ZFYVE28: variants seen among roughly 807,000 people sequenced by gnomAD.
The protein encoded by ZFYVE28 is lateral signaling target protein 2 homolog.
ZFYVE28 carries 40 observed loss-of-function variants against 82.1 expected under a neutral mutation model. The observed-to-expected ratio is 0.49, with a 90% confidence interval of 0.38 to 0.63. The LOEUF is 0.63. Among genes scored for constraint, ZFYVE28 ranks in the 30% least tolerant of loss-of-function variants. The pLI is 0.00. For synonymous variants in ZFYVE28, 612 were observed against 546.1 expected (o/e 1.12, Z -1.68); for missense variants, 1,321 against 1,242.1 (o/e 1.06, Z -0.96).
Position 2,320,598 on chromosome 4 carries a change from A to C in ZFYVE28, c.702-327T>G, listed in dbSNP as rs1718936182. 6.6e-6 allele frequency among the ~76,000 whole-genome samples: 1 copy of C among 152,244 alleles called. No homozygotes were observed. Among genetic ancestry groups the C allele is most frequent in the Admixed American group, 6.5e-5 (1 of 15,288 alleles). ...AAATTAGCCTCAAGGTTTGTTACCA[A>C]AATCTACCTTCTTGCAAGTAATAAA... On this transcript the variant is annotated intron_variant, in intron 6 of 12. Coordinates refer to ENST00000290974, the MANE Select transcript of ZFYVE28 (RefSeq NM_020972.3). This position sits in a 1 kb window ranked among gnomAD's most constrained non-coding sequence, Gnocchi z 5.1.
intron 1 of ZFYVE28, among the ~76,000 whole-genome samples, chr4:2,380,057 G>C (rs1239796357): frequency 1.3e-5 from 2 of 152,194 alleles, no homozygotes; most frequent in African/African-American, 4.8e-5. Context: ...TCTCTGCACT[G>C]AGTCGACAAT....
At chr4:2,308,201 C>T (rs61789418) in intron 7 of ZFYVE28, among the ~76,000 whole-genome samples, 10,336 of 151,964 alleles carry the variant, frequency 0.068, 440 homozygotes, top group Middle Eastern at 0.21. Context: ...CTCACCGTAG[C>T]CTCGACCTCC....
rs144351599 is a variant in ZFYVE28 at position 2,337,958 on chromosome 4, C to A, written c.522-462G>T. On this transcript the variant is annotated intron_variant, in intron 4 of 12. Coordinates refer to ENST00000290974, the MANE Select transcript of ZFYVE28 (RefSeq NM_020972.3). ...CCTGCCAGCCAGGCCTACCCCAGGC[C>A]TTCCCTTGAAACCCCAGCCCTGCCC... Among the ~76,000 whole-genome samples the A allele has an allele frequency of 9.1e-4, 138 of 152,226 alleles. 2 individuals are homozygous for A. The highest frequency in any genetic ancestry group is 2.0e-4 in the Admixed American group (3 of 15,288).
At chr4:2,379,472 G>A (rs1339111300) in intron 1 of ZFYVE28, among the ~76,000 whole-genome samples, 1 of 152,308 alleles carries the variant, frequency 6.6e-6, no homozygotes, top group East Asian at 1.9e-4. Context: ...AGAATGTAGA[G>A]GCTCAGATTG....
chr4:2,293,240 A>G (rs1237123465), intron 8 of ZFYVE28, among the ~76,000 whole-genome samples: 1 of 152,230 alleles, frequency 6.6e-6, no homozygotes, highest in Non-Finnish European at 1.5e-5. Flanking sequence ...ATAAGGCAGA[A>G]TCATCCTGTT....
At chr4:2,311,097 C>T (rs920916330) in intron 7 of ZFYVE28, among the ~76,000 whole-genome samples, 2 of 152,170 alleles carry the variant, frequency 1.3e-5, no homozygotes, top group African/African-American at 2.4e-5. Context: ...ATAATATCCT[C>T]ATATCATTTT....
rs1314151042 is a variant in ZFYVE28, at chr4:2,335,781, C to T, written c.625G>A (p.Gly209Arg). The T allele has an allele frequency of 9.0e-6, 14 of 1,563,328 alleles. No individual in the cohort carries two copies. Among genetic ancestry groups the T allele is most frequent in the South Asian group, 2.4e-5 (2 of 84,822 alleles). The change falls in exon 6 of 13, where the codon GGG becomes AGG. Residue 209 changes from glycine to arginine, a missense_variant. This residue lies in a region of ZFYVE28 where 343 missense variants were observed against 408.4 expected (regional missense o/e 0.84). Transcript: ENST00000290974. The surrounding 1 kb of genome is among the most constrained non-coding windows in gnomAD (Gnocchi z 5.8). ...CETVERALDF[G>R]YLTQDMIDDY... ...TCAATCATGTCCTGAGTCAGGTACC[C>T]GAAGTCCAGGGCCCTGTCCGGGGAG...
intron 2 of ZFYVE28, among the ~76,000 whole-genome samples, chr4:2,353,600 C>A (rs930588853): frequency 6.6e-6 from 1 of 152,118 alleles, no homozygotes; most frequent in Non-Finnish European, 1.5e-5. Flanking sequence ...CTGCATGGTA[C>A]CCAAGCTCTG....
chr4:2,311,505 G>A (rs888088735), intron 7 of ZFYVE28, among the ~76,000 whole-genome samples: 1 of 152,116 alleles, frequency 6.6e-6, no homozygotes, highest in Admixed American at 6.5e-5. Context: ...CAGCCTGGGT[G>A]ACAGAGCTAG....
At chr4:2,311,833 G>C (rs540393102) in intron 7 of ZFYVE28, among the ~76,000 whole-genome samples, 3 of 152,240 alleles carry the variant, frequency 2.0e-5, no homozygotes, top group Non-Finnish European at 2.9e-5. Flanking sequence ...CTGGAATACA[G>C]TGACAGGATC....
intron 8 of ZFYVE28, chr4:2,286,605 G>A (rs954797583): frequency 3.3e-5 from 5 of 152,316 alleles, no homozygotes; most frequent in Admixed American, 1.3e-4. Flanking sequence ...ACCCTTACTC[G>A]GCATTGCTTA....
rs1446322609 is a variant in ZFYVE28, at chr4:2,341,399, C to T, written c.318+79G>A. The T allele has an allele frequency of 4.5e-6, 7 of 1,567,956 alleles. No individual in the cohort carries two copies. Among genetic ancestry groups the T allele is most frequent in the Non-Finnish European group, 5.2e-6 (6 of 1,155,666 alleles). ...CACCAGGTCCCGGCACCTGCAGGCG[C>T]CCATGCACAAGGTTCGCAGGGACTT... On this transcript the variant is annotated intron_variant, in intron 3 of 12. Coordinates refer to ENST00000290974, the MANE Select transcript of ZFYVE28 (RefSeq NM_020972.3). This position sits in a 1 kb window ranked among gnomAD's most constrained non-coding sequence, Gnocchi z 4.5.
At position 2,394,737 on chromosome 4, in the gene ZFYVE28, T is replaced by C. The variant is rs532156186; in HGVS notation, c.39+23548A>G. On this transcript the variant is annotated intron_variant, in intron 1 of 12. Transcript: ENST00000290974. The surrounding 1 kb of genome is among the most constrained non-coding windows in gnomAD (Gnocchi z 4.0). ...GCACCACTCTGCGCAGCTGCATCGATGCCTGACTGCACGTGTGCGTGCTTC... is the reference window on the plus strand; with the variant it reads ...GCACCACTCTGCGCAGCTGCATCGACGCCTGACTGCACGTGTGCGTGCTTC... Among the ~76,000 whole-genome samples the C allele has an allele frequency of 1.3e-5, 2 of 152,368 alleles. No individual in the cohort carries two copies. The highest frequency in any genetic ancestry group is 1.9e-4 in the East Asian group (1 of 5,184).
At chr4:2,289,265 G>A (rs1207334091) in intron 8 of ZFYVE28, among the ~76,000 whole-genome samples, 1 of 152,246 alleles carries the variant, frequency 6.6e-6, no homozygotes, top group Non-Finnish European at 1.5e-5. Context: ...TTGGGTGACA[G>A]TAAGACCCTG....
intron 2 of ZFYVE28, among the ~76,000 whole-genome samples, chr4:2,346,553 T>C (rs903098575): frequency 5.9e-5 from 9 of 152,040 alleles, no homozygotes; most frequent in African/African-American, 1.9e-4. Context: ...CCTAACAACA[T>C]AGTGTGAGTC....
At chr4:2,271,106 C>T (rs893255787) in intron 12 of ZFYVE28, 6 of 733,408 alleles carry the variant, frequency 8.2e-6, no homozygotes, top group African/African-American at 1.8e-5. Flanking sequence ...CTGCAGCAGC[C>T]GGGACTGGAC....
intron 8 of ZFYVE28, among the ~76,000 whole-genome samples, chr4:2,302,413 G>A (rs1715696242): frequency 1.3e-5 from 2 of 152,234 alleles, no homozygotes; most frequent in African/African-American, 4.8e-5. Flanking sequence ...ATGGTGTCCA[G>A]TGGCCTTAGA....
chr4:2,313,464 C>A (rs150815299), intron 7 of ZFYVE28, among the ~76,000 whole-genome samples: 37 of 152,120 alleles, frequency 2.4e-4, no homozygotes, highest in Middle Eastern at 3.4e-3. Flanking sequence ...CGTCATGTTG[C>A]CTGGGCTGGT....
intron 12 of ZFYVE28, 33 bp downstream of exon 12, chr4:2,271,278 T>C (rs1319484266): frequency 6.2e-7 from 1 of 1,601,648 alleles, no homozygotes; most frequent in Non-Finnish European, 8.5e-7. Context: ...CCTTGGATGC[T>C]GAGGGACCCT....
Sources: allele counts gnomAD v4.1 joint callset (sites outside exome capture counted in the v4.1 genomes callset), GRCh38; gene constraint gnomAD v4.1.1; regional missense constraint gnomAD v4.1.1; non-coding constraint Gnocchi (gnomAD v3.1); transcripts MANE v1.5; gene names NCBI Gene and HGNC (gene_info 2026-07-23, HGNC 2026-07-21).